PRKAR1A: variants seen among roughly 807,000 people sequenced by gnomAD.
The protein encoded by PRKAR1A is protein kinase cAMP-dependent type I regulatory subunit alpha, also known as cAMP-dependent protein kinase type I-alpha regulatory subunit.
Under a neutral mutation model 52.0 loss-of-function variants are expected in PRKAR1A, and 3 were observed. The ratio of observed to expected loss-of-function variants is 0.06; its 90% confidence interval spans 0.03 to 0.15. The LOEUF is 0.15. Among genes scored for constraint, PRKAR1A ranks in the 10% least tolerant of loss-of-function variants. The pLI is 1.00. For missense variants in PRKAR1A, 240 were observed against 477.4 expected, an observed-to-expected ratio of 0.50 and a Z score of 4.63; for synonymous variants, 188 against 168.4, an observed-to-expected ratio of 1.12 and a Z score of -0.90.
At chr17:68,417,911 T>C in the PRKAR1A span, among the ~76,000 whole-genome samples, 1 of 151,894 alleles carries the variant, frequency 6.6e-6, no homozygotes, top group African/African-American at 2.4e-5. Context: ...TTTATATTTT[T>C]AGTAGAGACG....
At chr17:68,423,088 A>G in the PRKAR1A span, among the ~76,000 whole-genome samples, 32,641 of 152,140 alleles carry the variant, frequency 0.21, 4,419 homozygotes, top group Non-Finnish European at 0.3. The surrounding 1 kb of genome is among the most constrained non-coding windows in gnomAD (Gnocchi z 4.4). Context: ...AGGCAAGCCT[A>G]TGTTTGTTCG....
rs962203219 is a variant in PRKAR1A, at chr17:68,548,100, G to GA, written c.974-2982dup. Among the ~76,000 whole-genome samples, 3 of 152,270 alleles carry GA rather than the reference G, an allele frequency of 2.0e-5. No individual in the cohort carries two copies. In the East Asian group the frequency reaches 5.8e-4, roughly 29 times the overall value. ...GAACAGCAAGTTGTTGGAGCAGTCA[G>GA]AACACACATTTAGGCCAGGTGCAGT... On this transcript the variant is annotated intron_variant, in intron 11 of 11. Transcript: ENST00000585981.
At chr17:68,513,260 A>G (rs1447144688) in intron 1 of PRKAR1A, 2 of 152,204 alleles carry the variant, frequency 1.3e-5, no homozygotes, top group Non-Finnish European at 2.9e-5. Context: ...CCCTTCTTCT[A>G]GAAAATACAC....
chr17:68,432,752 T>G, the PRKAR1A span, among the ~76,000 whole-genome samples: 4 of 152,036 alleles, frequency 2.6e-5, no homozygotes, highest in East Asian at 7.7e-4. Flanking sequence ...GATCCTGCCT[T>G]TCTCTGCAGG....
the PRKAR1A span, among the ~76,000 whole-genome samples, chr17:68,492,525 C>T: frequency 6.6e-6 from 1 of 152,158 alleles, no homozygotes; most frequent in Admixed American, 6.5e-5. Context: ...GAGAAGAAAA[C>T]TGTACAGGGG....
At chr17:68,464,714 AAAC>A in the PRKAR1A span, among the ~76,000 whole-genome samples, 1 of 151,320 alleles carries the variant, frequency 6.6e-6, no homozygotes, top group African/African-American at 2.4e-5. Context: ...AAAACAAAAA[AAAC>A]ACCTAACATT....
At chr17:68,509,664 TCACAGTGG>T (rs1056487038), upstream of PRKAR1A, among the ~76,000 whole-genome samples, 58 of 152,330 alleles carry the variant, frequency 3.8e-4, no homozygotes, top group African/African-American at 1.3e-3. Flanking sequence ...GTTGGTATTC[TCACAGTGG>T]CACAGTGGCA....
the PRKAR1A span, among the ~76,000 whole-genome samples, chr17:68,415,662 C>A: frequency 6.6e-6 from 1 of 152,150 alleles, no homozygotes; most frequent in Non-Finnish European, 1.5e-5. Flanking sequence ...TATCTCATTT[C>A]TTACGTTATT....
the PRKAR1A span, among the ~76,000 whole-genome samples, chr17:68,497,634 T>C: frequency 0.42 from 63,545 of 152,046 alleles, 13,746 homozygotes; most frequent in East Asian, 0.65. Context: ...TAATTTACCA[T>C]GTGCCAAGTG....
chr17:68,550,982 G>A, intron 11 of PRKAR1A: 1 of 1,046,106 alleles, frequency 9.6e-7, no homozygotes, highest in Non-Finnish European at 1.2e-6. Context: ...TGAAGGTTTG[G>A]AATCTGCCAG....
chr17:68,540,983 G>A (rs370657178), intron 11 of PRKAR1A: 1 of 1,561,250 alleles, frequency 6.4e-7, no homozygotes, highest in Non-Finnish European at 8.7e-7. Flanking sequence ...AAGTCCTGGG[G>A]CTGGAAAAGC....
At chr17:68,479,525 G>A in the PRKAR1A span, among the ~76,000 whole-genome samples, 1 of 152,012 alleles carries the variant, frequency 6.6e-6, no homozygotes, top group Non-Finnish European at 1.5e-5. Flanking sequence ...CATCATCTCT[G>A]GGGTTTTCAT....
chr17:68,483,437 C>T, the PRKAR1A span, among the ~76,000 whole-genome samples: 7 of 151,970 alleles, frequency 4.6e-5, no homozygotes, highest in Non-Finnish European at 5.9e-5. Context: ...GCTGAGATGA[C>T]GCCACTGCAC....
intron 5 of PRKAR1A, 117 bp downstream of exon 5, chr17:68,524,194 T>C (rs2085710522): frequency 1.1e-6 from 1 of 950,374 alleles, no homozygotes; most frequent in Non-Finnish European, 1.6e-6. Context: ...CTTTTTTTTT[T>C]CTGTTATACT....
intron 10 of PRKAR1A, 40 bp from the exon 11 acceptor site, chr17:68,530,237 T>TC: frequency 6.2e-7 from 1 of 1,608,276 alleles, no homozygotes; most frequent in Non-Finnish European, 8.5e-7. Flanking sequence ...GAAATGTTTT[T>TC]CATAGAAGTT....
At position 68,530,476 on chromosome 17, in the gene PRKAR1A, T is replaced by G; in HGVS notation, c.*27T>G. On this transcript the variant is annotated 3_prime_UTR_variant, in exon 11 of 11. Transcript: ENST00000589228. Reference sequence around the variant, plus strand: ...ATCTGCCTCCTGTGCCTCCCTTTTCTCCTCTCCCCAATCCATGCTTCACTC... The same window carrying G: ...ATCTGCCTCCTGTGCCTCCCTTTTCGCCTCTCCCCAATCCATGCTTCACTC... The G allele has an allele frequency of 6.2e-7, 1 of 1,613,948 alleles. No individual in the cohort carries two copies. Among genetic ancestry groups the G allele is most frequent in the Non-Finnish European group, 8.5e-7 (1 of 1,179,886 alleles).
chr17:68,426,241 G>T, the PRKAR1A span: 2 of 1,107,550 alleles, frequency 1.8e-6, no homozygotes, highest in Non-Finnish European at 2.6e-6. Flanking sequence ...GACCTGGCGG[G>T]TGGGGAGCGG....
chr17:68,423,392 T>A, the PRKAR1A span, among the ~76,000 whole-genome samples: 1 of 152,256 alleles, frequency 6.6e-6, no homozygotes, highest in South Asian at 2.1e-4. This position sits in a 1 kb window ranked among gnomAD's most constrained non-coding sequence, Gnocchi z 4.4. Flanking sequence ...AGACAGTGCC[T>A]TAGTGGGAGC....
chr17:68,477,377 G>A, the PRKAR1A span, among the ~76,000 whole-genome samples: 2 of 152,262 alleles, frequency 1.3e-5, no homozygotes. Context: ...GACTCACTAT[G>A]AGACTGCAGT....
Sources: allele counts gnomAD v4.1 joint callset (sites outside exome capture counted in the v4.1 genomes callset), GRCh38; gene constraint gnomAD v4.1.1; non-coding constraint Gnocchi (gnomAD v3.1); transcripts MANE v1.5; gene names NCBI Gene and HGNC (gene_info 2026-07-23, HGNC 2026-07-21).